ARHGAP22: variants seen among roughly 807,000 people sequenced by gnomAD.
The protein encoded by ARHGAP22 is Rho GTPase activating protein 22.
Under a neutral mutation model 59.1 loss-of-function variants are expected in ARHGAP22, and 48 were observed. That is an observed-to-expected ratio of 0.81 (90% confidence interval 0.64 to 1.03). The LOEUF (loss-of-function observed/expected upper bound fraction) is 1.03. Among genes scored for constraint, ARHGAP22 ranks in the 50% least tolerant of loss-of-function variants. The pLI, the probability that ARHGAP22 is intolerant of heterozygous loss-of-function variation, is 0.00. For synonymous variants in ARHGAP22, 445 were observed against 416.4 expected (o/e 1.07, Z -0.84); for missense variants, 1,015 against 958.7 (o/e 1.06, Z -0.78).
At chr10:48,529,071 T>C (rs546428786) in intron 3 of ARHGAP22, among the ~76,000 whole-genome samples, 1 of 152,310 alleles carries the variant, frequency 6.6e-6, no homozygotes, top group Non-Finnish European at 1.5e-5. Context: ...CATTAAGAAC[T>C]TGCTCTTTAC....
upstream of ARHGAP22, among the ~76,000 whole-genome samples, chr10:48,655,256 T>TGGG (rs1230624457): frequency 1.0e-4 from 1 of 9,912 alleles, no homozygotes; most frequent in Non-Finnish European, 2.3e-4. Flanking sequence ...TGTGTGTGTG[T>TGGG]GGGGGGGGGG....
intron 2 of ARHGAP22, among the ~76,000 whole-genome samples, chr10:48,571,918 A>G (rs1384038807): frequency 6.6e-6 from 1 of 152,214 alleles, no homozygotes; most frequent in Admixed American, 6.5e-5. Context: ...AGAGCAAAGC[A>G]GAAACATGCT....
chr10:48,553,016 C>A (rs1277332381), intron 3 of ARHGAP22, among the ~76,000 whole-genome samples: 1 of 152,184 alleles, frequency 6.6e-6, no homozygotes. Flanking sequence ...GGGAGCTTTG[C>A]CAGCTGCAGC....
At chr10:48,458,561 C>T (rs1425658918) in intron 5 of ARHGAP22, among the ~76,000 whole-genome samples, 1 of 152,196 alleles carries the variant, frequency 6.6e-6, no homozygotes, top group Non-Finnish European at 1.5e-5. Flanking sequence ...TGATCTGTGT[C>T]TGCAGAAGCC....
rs768923667 is a variant in ARHGAP22, at chr10:48,450,740, G to A, written c.1389C>T (p.Asn463=). 7.4e-5 allele frequency: 115 copies of A among 1,559,496 alleles called. 2 individuals are homozygous for A. In the South Asian group the frequency reaches 1.2e-3, roughly 17 times the overall value. Residue 463 remains asparagine (N), a synonymous_variant, in exon 9 of 10, where the codon AAC becomes AAT. Coordinates refer to ENST00000249601, the MANE Select transcript of ARHGAP22 (RefSeq NM_021226.4). ...IISSGGNWLM[N]GLSSLRGHRR... ...GGTGTCCGCGCAGGGAGGACAGCCC[G>A]TTCATAAGCCAGTTCCCGCCGGAGG... is the stretch of plus-strand genomic sequence containing the variant.
chr10:48,573,362 G>A (rs1284331113), intron 2 of ARHGAP22, among the ~76,000 whole-genome samples: 1 of 152,164 alleles, frequency 6.6e-6, no homozygotes, highest in Non-Finnish European at 1.5e-5. Context: ...ATCTTCTCTA[G>A]TTACCAGCTA....
the ARHGAP22 span, among the ~76,000 whole-genome samples, chr10:48,434,103 G>A: frequency 0.46 from 69,225 of 151,930 alleles, 15,963 homozygotes; most frequent in South Asian, 0.57. Flanking sequence ...CTCGAGCTCA[G>A]GTATTCCTGT....
At chr10:48,553,787 G>C (rs759609133) in intron 3 of ARHGAP22, among the ~76,000 whole-genome samples, 1 of 152,194 alleles carries the variant, frequency 6.6e-6, no homozygotes, top group African/African-American at 2.4e-5. Context: ...CTCTGACCCA[G>C]ATAATGAACA....
chr10:48,497,105 A>G (rs769005779), intron 3 of ARHGAP22, among the ~76,000 whole-genome samples: 53 of 152,006 alleles, frequency 3.5e-4, no homozygotes, highest in Non-Finnish European at 5.4e-4. Context: ...GGGGTTTGAC[A>G]CCTCCCACCT....
chr10:48,461,717 C>T (rs979896934), intron 4 of ARHGAP22, among the ~76,000 whole-genome samples: 16 of 152,234 alleles, frequency 1.1e-4, no homozygotes, highest in African/African-American at 3.9e-4. Flanking sequence ...CTAAGCTCTA[C>T]AAGGTGCGTG....
Position 48,450,541 on chromosome 10 carries a change from T to A in ARHGAP22, c.1588A>T (p.Thr530Ser). ...SSVGGSLSSC[T>S]ACRASDSSAR... The stretch of plus-strand genomic sequence containing the variant: ...GACGAGTCGCTGGCGCGGCAGGCCG[T>A]GCAGCTGCTGAGTGAGCCCCCCACC... The change falls in exon 9 of 10, where the codon ACG becomes TCG. Residue 530 changes from threonine to serine, a missense_variant. Transcript: ENST00000249601. 1 of 1,519,534 alleles carries A rather than the reference T, an allele frequency of 6.6e-7. No homozygotes were observed. The highest frequency in any genetic ancestry group is 8.8e-7 in the Non-Finnish European group (1 of 1,134,078). The allele number at this position is 1,519,534 out of a possible 1,614,324, so 94.1% of individuals were successfully genotyped here. A position where few individuals can be genotyped will look rare whatever the true frequency, so the allele number is the denominator to read the frequency against.
At chr10:48,461,015 A>G (rs10745275) in intron 4 of ARHGAP22, among the ~76,000 whole-genome samples, 137,651 of 152,254 alleles carry the variant, frequency 0.9, 63,678 homozygotes, top group East Asian at 1. Flanking sequence ...ATGGGCACAG[A>G]GTCTCAGCTT....
At chr10:48,472,984 C>T (rs960540826) in intron 4 of ARHGAP22, among the ~76,000 whole-genome samples, 8 of 152,170 alleles carry the variant, frequency 5.3e-5, no homozygotes, top group African/African-American at 1.9e-4. Flanking sequence ...CTAGCAATCC[C>T]ACTTCTGGGT....
intron 1 of ARHGAP22, among the ~76,000 whole-genome samples, chr10:48,603,288 A>G (rs1310591302): frequency 5.3e-5 from 8 of 152,246 alleles, no homozygotes; most frequent in African/African-American, 1.9e-4. Flanking sequence ...GTCTCTTACT[A>G]GCACTGTCCA....
At chr10:48,652,858 G>A (rs1185490226), upstream of ARHGAP22, among the ~76,000 whole-genome samples, 2 of 152,172 alleles carry the variant, frequency 1.3e-5, no homozygotes, top group Non-Finnish European at 2.9e-5. Context: ...CAAGGCCCAG[G>A]AGCACCCCAT....
intron 3 of ARHGAP22, among the ~76,000 whole-genome samples, chr10:48,531,932 C>T (rs932342080): frequency 2.6e-5 from 4 of 152,168 alleles, no homozygotes; most frequent in Admixed American, 6.5e-5. Flanking sequence ...ATTGAGACCG[C>T]GGGTTATTGC....
chr10:48,558,245 CAT>C (rs2057435270), intron 2 of ARHGAP22, among the ~76,000 whole-genome samples: 1 of 152,254 alleles, frequency 6.6e-6, no homozygotes, highest in African/African-American at 2.4e-5. Flanking sequence ...TACGTGAAGT[CAT>C]AGTACATTAA....
chr10:48,556,080 G>A (rs902966982), intron 2 of ARHGAP22, among the ~76,000 whole-genome samples: 7 of 152,196 alleles, frequency 4.6e-5, no homozygotes, highest in African/African-American at 1.7e-4. Context: ...GGTGCCTGGG[G>A]TGCATGTGTA....
At chr10:48,625,700 ACAC>A (rs1565019051) in intron 1 of ARHGAP22, among the ~76,000 whole-genome samples, 5 of 122,046 alleles carry the variant, frequency 4.1e-5, no homozygotes, top group Admixed American at 8.2e-5. Flanking sequence ...GTGTACACAC[ACAC>A]ACACACACAC....
Sources: allele counts gnomAD v4.1 joint callset (sites outside exome capture counted in the v4.1 genomes callset), GRCh38; gene constraint gnomAD v4.1.1; transcripts MANE v1.5; gene names NCBI Gene and HGNC (gene_info 2026-07-23, HGNC 2026-07-21).